The following EIF4EBP1 variants were observed in gnomAD, a reference collection of about 807,000 sequenced individuals.
The protein encoded by EIF4EBP1 is eukaryotic translation initiation factor 4E-binding protein 1.
EIF4EBP1 carries 5 observed loss-of-function variants against 9.2 expected under a neutral mutation model. That is an observed-to-expected ratio of 0.54 (90% CI 0.28 to 1.14). The LOEUF (loss-of-function observed/expected upper bound fraction) is 1.14, where lower values mean the gene tolerates loss of function less well. EIF4EBP1 is among the 50% of genes most tolerant of loss of function. The pLI is 0.09. For missense variants in EIF4EBP1, 139 were observed against 169.6 expected (o/e 0.82, Z 1.00); for synonymous variants, 62 against 67.0 (o/e 0.93, Z 0.36).
chr8:38,050,841 C>T (rs1260904571), intron 1 of EIF4EBP1, among the ~76,000 whole-genome samples: 1 of 152,002 alleles, frequency 6.6e-6, no homozygotes, highest in Admixed American at 6.6e-5. Flanking sequence ...CTTGTGTGGC[C>T]CAGAGACTGA....
Position 38,030,611 on chromosome 8 carries a change from G to A in EIF4EBP1, c.38G>A (p.Arg13Gln). Residue 13 changes from arginine to glutamine, a missense_variant, in exon 1 of 3, where the codon CGG becomes CAG. By Grantham distance (43) the Arg-to-Gln change is conservative. Coordinates refer to ENST00000338825, the MANE Select transcript of EIF4EBP1 (RefSeq NM_004095.4). ...GGSSCSQTPS[R>Q]AIPATRRVVL... ...AGCAGCTGCAGCCAGACCCCAAGCC[G>A]GGCCATCCCCGCCACTCGCCGGGTG... The A allele has an allele frequency of 6.6e-7, 1 of 1,512,502 alleles. No individual in the cohort carries two copies. The highest frequency in any genetic ancestry group is 1.4e-5 in the African/African-American group (1 of 69,848). The allele number at this position is 1,512,502 out of a possible 1,614,324, so 93.7% of individuals were successfully genotyped here.
At chr8:38,040,763 A>C (rs1809367070) in intron 1 of EIF4EBP1, among the ~76,000 whole-genome samples, 1 of 152,184 alleles carries the variant, frequency 6.6e-6, no homozygotes, top group Non-Finnish European at 1.5e-5. Flanking sequence ...AAGGCCACTT[A>C]AGGCCTAGGC....
At chr8:38,038,231 G>A (rs899409330) in intron 1 of EIF4EBP1, among the ~76,000 whole-genome samples, 6 of 151,698 alleles carry the variant, frequency 4.0e-5, no homozygotes, top group African/African-American at 4.8e-5. Context: ...ATTCTTGGCC[G>A]GACACGGTGG....
intron 1 of EIF4EBP1, among the ~76,000 whole-genome samples, chr8:38,036,959 A>T (rs748591137): frequency 1.3e-5 from 2 of 152,078 alleles, no homozygotes; most frequent in African/African-American, 4.8e-5. Context: ...CTGGGAAGGC[A>T]CAGCAATATT....
intron 1 of EIF4EBP1, among the ~76,000 whole-genome samples, chr8:38,053,703 G>C (rs1391749722): frequency 6.6e-6 from 1 of 152,176 alleles, no homozygotes; most frequent in Non-Finnish European, 1.5e-5. Flanking sequence ...CACTCTCAAT[G>C]GGATATTATT....
chr8:38,040,405 A>T (rs1377962262), intron 1 of EIF4EBP1, among the ~76,000 whole-genome samples: 1 of 152,228 alleles, frequency 6.6e-6, no homozygotes, highest in Non-Finnish European at 1.5e-5. Flanking sequence ...CCAGAGGATC[A>T]GGGCTTCTTA....
At chr8:38,058,899 C>T (rs1373769118) in intron 2 of EIF4EBP1, among the ~76,000 whole-genome samples, 5 of 152,018 alleles carry the variant, frequency 3.3e-5, no homozygotes, top group African/African-American at 1.2e-4. Flanking sequence ...GCCTGGGCAA[C>T]AATGCAAGAC....
intron 1 of EIF4EBP1, among the ~76,000 whole-genome samples, chr8:38,042,103 T>C (rs1201918935): frequency 6.6e-6 from 1 of 152,072 alleles, no homozygotes. Flanking sequence ...AACCATCTCC[T>C]CTTCCCCCTC....
chr8:38,058,943 G>A (rs983806026), intron 2 of EIF4EBP1, among the ~76,000 whole-genome samples: 1 of 152,092 alleles, frequency 6.6e-6, no homozygotes, highest in Non-Finnish European at 1.5e-5. Flanking sequence ...AATTAGCCAG[G>A]CATGGTGGTG....
chr8:38,054,183 C>T (rs1585531071), intron 1 of EIF4EBP1, among the ~76,000 whole-genome samples: 2 of 152,196 alleles, frequency 1.3e-5, no homozygotes, highest in African/African-American at 4.8e-5. Context: ...AAAAGTGTGG[C>T]TCATGTCTGT....
At chr8:38,058,104 A>G (rs1426073201) in intron 2 of EIF4EBP1, among the ~76,000 whole-genome samples, 1 of 152,196 alleles carries the variant, frequency 6.6e-6, no homozygotes, top group African/African-American at 2.4e-5. Context: ...GACATGATTC[A>G]TAATTACCTT....
intron 1 of EIF4EBP1, among the ~76,000 whole-genome samples, chr8:38,043,834 C>T: frequency 6.6e-6 from 1 of 152,098 alleles, no homozygotes; most frequent in East Asian, 1.9e-4. Context: ...AAGTCTTGGA[C>T]TGAGTGTGCT....
intron 1 of EIF4EBP1, 93 bp downstream of exon 1, chr8:38,030,811 C>G: frequency 6.6e-6 from 9 of 1,354,942 alleles, no homozygotes; most frequent in Non-Finnish European, 6.6e-6. Context: ...GGCTCAAGGG[C>G]GCCGTGATTG....
intron 1 of EIF4EBP1, among the ~76,000 whole-genome samples, chr8:38,044,109 AC>A (rs919153406): frequency 1.4e-5 from 2 of 141,080 alleles, no homozygotes; most frequent in African/African-American, 5.3e-5. Flanking sequence ...GACCTCCCCC[AC>A]CCCGGCCCTG....
At chr8:38,055,316 T>G (rs551534363) in intron 1 of EIF4EBP1, among the ~76,000 whole-genome samples, 2 of 152,296 alleles carry the variant, frequency 1.3e-5, no homozygotes, top group African/African-American at 4.8e-5. Context: ...ACAACTATTA[T>G]GGATCCATAA....
At chr8:38,059,878 T>G in intron 2 of EIF4EBP1, 26 bp from the exon 3 acceptor site, 1 of 1,465,676 alleles carries the variant, frequency 6.8e-7, no homozygotes, top group Non-Finnish European at 9.1e-7. Flanking sequence ...ATTGTTGACC[T>G]GGCCCTCTGT....
chr8:38,057,736 C>T (rs555478481), intron 2 of EIF4EBP1, among the ~76,000 whole-genome samples: 1 of 152,242 alleles, frequency 6.6e-6, no homozygotes, highest in African/African-American at 2.4e-5. Context: ...CTGTTGGTCC[C>T]CTAGTGGATC....
chr8:38,046,876 A>G (rs530414754), intron 1 of EIF4EBP1, among the ~76,000 whole-genome samples: 2 of 152,244 alleles, frequency 1.3e-5, no homozygotes, highest in Admixed American at 6.6e-5. Flanking sequence ...CTTGAACTCT[A>G]CCCCCAGCAC....
intron 1 of EIF4EBP1, among the ~76,000 whole-genome samples, chr8:38,041,282 A>G (rs1299420888): frequency 6.6e-6 from 1 of 151,976 alleles, no homozygotes; most frequent in South Asian, 2.1e-4. Flanking sequence ...TTGTATTTTT[A>G]GTAGAGGCGG....
Sources: gnomAD v4.1 joint callset for allele counts (sites outside exome capture counted in the v4.1 genomes callset) on GRCh38, gnomAD v4.1.1 for gene constraint, MANE v1.5 for transcripts, NCBI Gene and HGNC (gene_info 2026-07-23, HGNC 2026-07-21) for gene names.